The following POLG variants were observed in gnomAD, a reference collection of about 807,000 sequenced individuals.
POLG encodes the protein DNA polymerase gamma, catalytic subunit.
A neutral mutation model predicts 155.4 loss-of-function variants in POLG; 110 were observed. The ratio of observed to expected loss-of-function variants is 0.71; its 90% CI spans 0.61 to 0.83. POLG has a LOEUF of 0.83. POLG is among the 40% of genes least tolerant of loss of function. The probability of loss-of-function intolerance (pLI) is 0.00; values close to 1 mark genes in which losing one functional copy is unlikely to be tolerated. For missense variants in POLG, 1,685 were observed against 1,627.5 expected, an observed-to-expected ratio of 1.04 and a Z score of -0.61; for synonymous variants, 701 against 631.5, an observed-to-expected ratio of 1.11 and a Z score of -1.65.
At chr15:89,323,293 C>T in intron 13 of POLG, 111 bp downstream of exon 13, 2 of 737,432 alleles carry the variant, frequency 2.7e-6, no homozygotes, top group Non-Finnish European at 2.5e-6. Flanking sequence ...TGTCCCACTA[C>T]TAGTCATTCC....
chr15:89,327,843 T>C (rs1037175818), intron 6 of POLG, among the ~76,000 whole-genome samples: 8 of 152,014 alleles, frequency 5.3e-5, no homozygotes, highest in South Asian at 2.1e-4. Flanking sequence ...ACGTGAAGGA[T>C]AGATATCTTT....
chr15:89,316,669 G>T lies in POLG; in HGVS notation c.*82C>A, dbSNP rs1596346957. The T allele has an allele frequency of 4.6e-6, 6 of 1,300,164 alleles. No homozygotes were observed. Among genetic ancestry groups the T allele is most frequent in the African/African-American group, 2.9e-5 (2 of 68,622 alleles). 80.5% of individuals were successfully genotyped at this position (1,300,164 alleles called of 1,614,324 possible). ...CCTTAGGCAAGCCCTTTTGCAAAAA[G>T]CACAGCTGAAAGCCTGAGTTTGGGA... On this transcript the variant is annotated 3_prime_UTR_variant, in exon 23 of 23. Coordinates refer to ENST00000268124, the MANE Select transcript of POLG (RefSeq NM_002693.3).
rs121918055 is a variant in POLG, at chr15:89,326,965, C to G, written c.1532G>C (p.Ser511Thr). ...CCCAGCCCCCTCGATGGGCAACTTGCTGGCTGTGGCTGGTTCCTTCTTCAC... is the reference window on the plus strand; with the variant it reads ...CCCAGCCCCCTCGATGGGCAACTTGGTGGCTGTGGCTGGTTCCTTCTTCAC... ...KKVKKEPATA[S>T]KLPIEGAGAP... Residue 511 changes from serine (S) to threonine (T), a missense_variant, in exon 8 of 23, where the codon AGC becomes ACC. Ser to Thr is a moderately conservative substitution (Grantham distance 58). Transcript: ENST00000268124. The G allele has an allele frequency of 6.2e-7, 1 of 1,614,232 alleles. No individual in the cohort carries two copies. Among genetic ancestry groups the G allele is most frequent in the Non-Finnish European group, 8.5e-7 (1 of 1,180,038 alleles).
At chr15:89,323,324 G>T in intron 13 of POLG, 80 bp downstream of exon 13, 1 of 849,650 alleles carries the variant, frequency 1.2e-6, no homozygotes, top group Non-Finnish European at 2.0e-6. Context: ...AAAGTCTCAG[G>T]TGTGTCACTC....
chr15:89,316,403 G>T lies in POLG; in HGVS notation c.*348C>A, dbSNP rs754573704. ...TAATTCTTTCCCCTTCTAGGGCACT[G>T]CATCAGAGCATGGGGGACAGAACAA... is the stretch of plus-strand genomic sequence containing the variant. On this transcript the variant is annotated 3_prime_UTR_variant, in exon 23 of 23. Coordinates refer to ENST00000268124, the MANE Select transcript of POLG (RefSeq NM_002693.3). 24 of 1,611,566 alleles carry T rather than the reference G, an allele frequency of 1.5e-5. No homozygotes were observed. The highest frequency in any genetic ancestry group is 1.6e-4 in the Middle Eastern group (1 of 6,084).
In POLG at chr15:89,333,403, C is replaced by A; in HGVS notation, c.352G>T (p.Val118Leu). The change falls in exon 2 of 23, where the codon GTG becomes TTG. Residue 118 changes from valine (V) to leucine (L), a missense_variant. Coordinates refer to ENST00000268124, the MANE Select transcript of POLG (RefSeq NM_002693.3). ...CGCAGCTCCACGTCGGGCAAGGGCA[C>A]GGCTGGCTGCCCCCAGAGCCCGTGC... ...QKHGLWGQPA[V>L]PLPDVELRLP... 6.2e-7 allele frequency: 1 copy of A among 1,600,940 alleles called. No individual in the cohort carries two copies. The highest frequency in any genetic ancestry group is 1.1e-5 in the South Asian group (1 of 90,170).
intron 3 of POLG, 50 bp downstream of exon 3, chr15:89,330,031 C>G: frequency 3.4e-6 from 5 of 1,470,732 alleles, no homozygotes; most frequent in Non-Finnish European, 4.8e-6. Flanking sequence ...GAGATTAGGG[C>G]TCCTGGCCCA....
At chr15:89,320,099 T>C (rs2055372911) in intron 18 of POLG, among the ~76,000 whole-genome samples, 1 of 152,248 alleles carries the variant, frequency 6.6e-6, no homozygotes, top group Non-Finnish European at 1.5e-5. Flanking sequence ...CCTGCATTTA[T>C]AGTCATCAAC....
In POLG at chr15:89,319,097, G is replaced by A. The variant is rs2055354896; in HGVS notation, c.3107C>T (p.Ser1036Leu). 6.2e-7 allele frequency: 1 copy of A among 1,614,062 alleles called. No homozygotes were observed. Among genetic ancestry groups the A allele is most frequent in the Non-Finnish European group, 8.5e-7 (1 of 1,180,000 alleles). Residue 1036 changes from serine (S) to leucine (L), a missense_variant and splice_region_variant, in exon 20 of 23, where the codon TCA (serine) becomes TTA (leucine). Around this residue, in one of 3 missense-constraint regions of POLG, gnomAD observed 470 missense variants for 439.9 expected, o/e 1.07. Transcript: ENST00000268124. ...RKVQRETARK[S>L]QWKKWEVVAE... The stretch of plus-strand genomic sequence containing the variant: ...AACCACCTCCCACTTCTTCCACTGT[G>A]ACCTAAGGGACCAGAAACAGAGGGC...
intron 16 of POLG, 92 bp downstream of exon 16, chr15:89,321,644 G>T (rs1358231614): frequency 2.1e-6 from 2 of 950,956 alleles, no homozygotes; most frequent in Non-Finnish European, 3.4e-6. Flanking sequence ...TCCTTTTCAT[G>T]ATCCTCACTA....
At chr15:89,318,454 A>C in intron 21 of POLG, 87 bp downstream of exon 21, 1 of 1,112,820 alleles carries the variant, frequency 9.0e-7, no homozygotes, top group South Asian at 1.3e-5. Context: ...TGAAAAGTCA[A>C]AACTGACCAG....
chr15:89,334,386 G>C (rs1596363407), intron 1 of POLG: 1 of 152,962 alleles, frequency 6.5e-6, no homozygotes, highest in South Asian at 2.0e-4. Flanking sequence ...CGCGGGCCTA[G>C]CGTCGAGAGG....
rs577476988 is a variant in POLG at position 89,326,927 on chromosome 15, G to C, written c.1570C>G (p.Pro524Ala). ...TGCTCCCCACCTTCCTGATCCATGG[G>C]ATCACCAGGGGCCCCAGCCCCCTCG... Reference protein sequence around the residue: ...PIEGAGAPGDPMDQEDLGPCS... With the variant: ...PIEGAGAPGDAMDQEDLGPCS... The change falls in exon 8 of 23, where the codon CCC (proline) becomes GCC (alanine). Residue 524 changes from proline to alanine, a missense_variant. Transcript: ENST00000268124. The C allele has an allele frequency of 3.1e-5, 50 of 1,614,094 alleles. No individual in the cohort carries two copies. Among genetic ancestry groups the C allele is most frequent in the Non-Finnish European group, 3.9e-5 (46 of 1,180,014 alleles).
Position 89,316,503 on chromosome 15 carries a change from T to A in POLG, c.*248A>T, listed in dbSNP as rs764796006. 1.9e-6 allele frequency: 3 copies of A among 1,568,014 alleles called. No individual in the cohort carries two copies. The African/African-American group carries it at 4.1e-5, about 21-fold the overall frequency. On this transcript the variant is annotated 3_prime_UTR_variant, in exon 23 of 23. Transcript: ENST00000268124. Reference sequence around the variant, plus strand: ...TGTGAACTTTGGGGCTTCTGCTTCATTTTTACCCAACAAGCAACAATGCCC... The same window carrying A: ...TGTGAACTTTGGGGCTTCTGCTTCAATTTTACCCAACAAGCAACAATGCCC...
In POLG at chr15:89,316,484, CT is replaced by C; in HGVS notation, c.*266del. 6.3e-7 allele frequency: 1 copy of C among 1,595,528 alleles called. No homozygotes were observed. Among genetic ancestry groups the C allele is most frequent in the South Asian group, 1.1e-5 (1 of 88,690 alleles). ...AATGAAATGCCTGAGTTAATGTGAA[CT>C]TTGGGGCTTCTGCTTCATTTTTACC... On this transcript the variant is annotated 3_prime_UTR_variant, in exon 23 of 23. Transcript: ENST00000268124.
Position 89,320,996 on chromosome 15 carries a change from C to T in POLG, c.2751G>A (p.Gly917=). ...TCTTCCTGCCCTGCAGTGTCATCCA[C>T]CCAAAGGCTGTGCAGCCTGGAAGAC... The part of the protein sequence containing the change: ...FAGMHGCTAF[G]WMTLQGRKSR... The change falls in exon 18 of 23, where the codon GGG becomes GGA. Residue 917 remains glycine (G), a synonymous_variant. Coordinates refer to ENST00000268124, the MANE Select transcript of POLG (RefSeq NM_002693.3). 6.2e-7 allele frequency: 1 copy of T among 1,614,102 alleles called. No individual in the cohort carries two copies.
chr15:89,325,251 A>T (rs62022596), intron 10 of POLG, among the ~76,000 whole-genome samples, 199 bp downstream of exon 10: 1,659 of 79,594 alleles, frequency 0.021, 345 homozygotes, highest in African/African-American at 0.045. Flanking sequence ...AGTGAGTGAG[A>T]GAGAGAGTGA....
intron 18 of POLG, among the ~76,000 whole-genome samples, chr15:89,320,228 T>C (rs1037114082): frequency 2.0e-5 from 3 of 152,230 alleles, no homozygotes; most frequent in African/African-American, 7.2e-5. Flanking sequence ...TGTACCTCTC[T>C]TCCCTCAATG....
Position 89,321,162 on chromosome 15 carries a change from T to C in POLG, c.2697A>G (p.Ala899=). The C allele has an allele frequency of 6.2e-7, 1 of 1,614,244 alleles. No individual in the cohort carries two copies. ...CAAAGTGGGCGTCTCCAAGCACAGC[T>C]GCAATCCACAGCTCTTGGGAGTCCA... ...ADVDSQELWI[A]AVLGDAHFAG... Residue 899 remains alanine (A), a synonymous_variant, in exon 17 of 23, where the codon GCA becomes GCG. Coordinates refer to ENST00000268124, the MANE Select transcript of POLG (RefSeq NM_002693.3).
Sources: gnomAD v4.1 joint callset for allele counts (sites outside exome capture counted in the v4.1 genomes callset) on GRCh38, gnomAD v4.1.1 for gene constraint, gnomAD v4.1.1 regional missense constraint, MANE v1.5 for transcripts, NCBI Gene and HGNC (gene_info 2026-07-23, HGNC 2026-07-21) for gene names.